The following PDE5A variants were observed in gnomAD, a reference collection of about 807,000 sequenced individuals.
PDE5A encodes the protein cGMP-specific 3',5'-cyclic phosphodiesterase.
Under a neutral mutation model 110.2 loss-of-function variants are expected in PDE5A, and 67 were observed. The observed-to-expected ratio is 0.61, with a 90% CI of 0.50 to 0.75. The LOEUF is 0.75. Ranked by LOEUF, PDE5A falls within the 30% of genes least tolerant of loss-of-function variation. The probability of loss-of-function intolerance (pLI) is 0.00; values close to 1 mark genes in which losing one functional copy is unlikely to be tolerated. For synonymous variants in PDE5A, 328 were observed against 351.2 expected (o/e 0.93, Z 0.74); for missense variants, 862 against 1,045.1 (o/e 0.82, Z 2.42).
intron 3 of PDE5A, among the ~76,000 whole-genome samples, chr4:119,587,870 T>A (rs1728818258): frequency 6.6e-6 from 1 of 152,212 alleles, no homozygotes; most frequent in South Asian, 2.1e-4. Context: ...ACTTGCCAAA[T>A]TTAAGAAAGC....
intron 11 of PDE5A, among the ~76,000 whole-genome samples, chr4:119,526,663 T>C (rs922479372): frequency 1.9e-4 from 29 of 152,186 alleles, no homozygotes; most frequent in African/African-American, 6.8e-4. Context: ...ACTACTTTGC[T>C]TTTGGGAAGT....
At chr4:119,578,171 C>T (rs1413083156) in intron 3 of PDE5A, among the ~76,000 whole-genome samples, 2 of 152,202 alleles carry the variant, frequency 1.3e-5, no homozygotes, top group Non-Finnish European at 2.9e-5. Flanking sequence ...CAAACCACTG[C>T]TCAATGAAAT....
chr4:119,540,520 T>A (rs1726890812), intron 10 of PDE5A, among the ~76,000 whole-genome samples: 1 of 152,082 alleles, frequency 6.6e-6, no homozygotes. Flanking sequence ...TAATACTGTG[T>A]CCATGAGTTA....
intron 1 of PDE5A, among the ~76,000 whole-genome samples, chr4:119,609,161 C>CA (rs1015132554): frequency 6.8e-4 from 89 of 130,862 alleles, no homozygotes; most frequent in Middle Eastern, 4.0e-3. Flanking sequence ...GACTCCGTCT[C>CA]AAAAAAAAAA....
At chr4:119,507,530 A>G (rs1320514416) in intron 16 of PDE5A, 74 bp downstream of exon 16, 16 of 982,754 alleles carry the variant, frequency 1.6e-5, no homozygotes, top group Non-Finnish European at 2.5e-5. Flanking sequence ...AAATTTCTCA[A>G]TATGGATGTC....
chr4:119,572,914 CCT>C (rs539140698), intron 3 of PDE5A, among the ~76,000 whole-genome samples: 285 of 152,236 alleles, frequency 1.9e-3, no homozygotes, highest in Non-Finnish European at 3.0e-3. Context: ...TCTTCTCCCC[CCT>C]GTTCCTCCTA....
At chr4:119,541,052 G>C (rs2110485760) in intron 10 of PDE5A, among the ~76,000 whole-genome samples, 1 of 152,206 alleles carries the variant, frequency 6.6e-6, no homozygotes, top group South Asian at 2.1e-4. Flanking sequence ...TTCAAACTAA[G>C]CCAGTGGGAG....
chr4:119,557,898 T>C (rs1351360176), intron 7 of PDE5A, among the ~76,000 whole-genome samples: 1 of 152,212 alleles, frequency 6.6e-6, no homozygotes, highest in Admixed American at 6.5e-5. Flanking sequence ...TTTTCTAATA[T>C]GATAATCAAT....
intron 12 of PDE5A, among the ~76,000 whole-genome samples, chr4:119,522,166 T>C (rs923179690): frequency 2.0e-5 from 3 of 152,132 alleles, no homozygotes; most frequent in African/African-American, 7.2e-5. Flanking sequence ...GGTCATTTTA[T>C]TCCTGTTCTA....
rs1456296208 is a variant in PDE5A at position 119,628,609 on chromosome 4, C to T, written c.63G>A (p.Lys21=). 6.2e-7 allele frequency: 1 copy of T among 1,613,998 alleles called. No homozygotes were observed. The change falls in exon 1 of 21, where the codon AAG becomes AAA. Residue 21 remains lysine, a synonymous_variant. Transcript: ENST00000354960. ...CCGAGTCCTGATCCCTCTGCTGCTG[C>T]TTCTGCTGCTGGGGCTGCTGCTGCT... ...QRQQQQPQQQ[K]QQQRDQDSVE...
In PDE5A at chr4:119,503,131, G is replaced by T. The variant is rs545170385; in HGVS notation, c.2332-476C>A. Reference sequence around the variant, plus strand: ...TTTGGCACATGGAGAATGAGTTTTTGATCTTGTTTTCTCGGCATGTCTGTT... The same window carrying T: ...TTTGGCACATGGAGAATGAGTTTTTTATCTTGTTTTCTCGGCATGTCTGTT... On this transcript the variant is annotated intron_variant, in intron 18 of 20. Coordinates refer to ENST00000354960, the MANE Select transcript of PDE5A (RefSeq NM_001083.4). Among the ~76,000 whole-genome samples the T allele has an allele frequency of 5.3e-5, 8 of 152,174 alleles. No homozygotes were observed. The East Asian group carries it at 1.5e-3, about 29-fold the overall frequency.
At chr4:119,499,126 T>C (rs1363665817) in intron 20 of PDE5A, among the ~76,000 whole-genome samples, 1 of 152,208 alleles carries the variant, frequency 6.6e-6, no homozygotes, top group Non-Finnish European at 1.5e-5. Context: ...TTTCATACAA[T>C]GTACTTAAAT....
intron 9 of PDE5A, among the ~76,000 whole-genome samples, chr4:119,545,179 A>G (rs1727089906): frequency 6.6e-6 from 1 of 152,184 alleles, no homozygotes; most frequent in Admixed American, 6.5e-5. Flanking sequence ...GTTTAATTCT[A>G]TCAAGCAAAA....
chr4:119,564,545 TCA>T (rs1727857774), intron 5 of PDE5A, among the ~76,000 whole-genome samples: 1 of 152,018 alleles, frequency 6.6e-6, no homozygotes, highest in Non-Finnish European at 1.5e-5. Context: ...TTGGAGAACC[TCA>T]GTTTGGACCT....
intron 11 of PDE5A, among the ~76,000 whole-genome samples, chr4:119,527,582 C>G (rs888343627): frequency 6.6e-6 from 1 of 151,106 alleles, no homozygotes; most frequent in African/African-American, 2.4e-5. Context: ...AAATATTGTA[C>G]ATTTTACTAA....
chr4:119,507,379 C>G (rs1010440175), intron 16 of PDE5A, among the ~76,000 whole-genome samples: 5 of 151,828 alleles, frequency 3.3e-5, no homozygotes, highest in African/African-American at 1.2e-4. Flanking sequence ...GTTTCAGAGA[C>G]ACAGTGGTAG....
intron 5 of PDE5A, among the ~76,000 whole-genome samples, chr4:119,563,245 T>C (rs1376808161): frequency 2.0e-5 from 3 of 152,144 alleles, no homozygotes; most frequent in Admixed American, 1.3e-4. Flanking sequence ...GCAAATTTCT[T>C]CAACATGGGG....
chr4:119,588,373 C>T (rs1211628266), intron 3 of PDE5A, among the ~76,000 whole-genome samples: 1 of 151,824 alleles, frequency 6.6e-6, no homozygotes, highest in East Asian at 1.9e-4. Context: ...AGACAGGTTT[C>T]ACCATGTTGG....
intron 20 of PDE5A, chr4:119,500,117 A>G (rs181291053): frequency 5.9e-5 from 9 of 152,280 alleles, no homozygotes; most frequent in Admixed American, 2.6e-4. Context: ...AAGGAAAGCA[A>G]CTGTTATGGA....
Sources: gnomAD v4.1 joint callset for allele counts (sites outside exome capture counted in the v4.1 genomes callset) on GRCh38, gnomAD v4.1.1 for gene constraint, MANE v1.5 for transcripts, NCBI Gene and HGNC (gene_info 2026-07-23, HGNC 2026-07-21) for gene names.